Variants in PRDX2 observed in about 807,000 individuals in gnomAD.
PRDX2 encodes peroxiredoxin-2.
A neutral mutation model predicts 19.8 loss-of-function variants in PRDX2; 10 were observed. The observed-to-expected ratio is 0.50, with a 90% confidence interval of 0.31 to 0.86. The LOEUF is 0.86. Ranked by LOEUF, PRDX2 falls within the 40% of genes least tolerant of loss-of-function variation. The pLI, the probability that PRDX2 is intolerant of heterozygous loss-of-function variation, is 0.04. For missense variants in PRDX2, 226 were observed against 260.1 expected (o/e 0.87, Z 0.90); for synonymous variants, 118 against 108.2 (o/e 1.09, Z -0.56).
intron 5 of PRDX2, among the ~76,000 whole-genome samples, 162 bp from the exon 6 acceptor site, chr19:12,797,328 CTT>C (rs112459805): frequency 4.2e-5 from 6 of 142,546 alleles, no homozygotes; most frequent in Admixed American, 1.4e-4. Context: ...AGTATTTTTT[CTT>C]TTTTTTTTTT....
intron 5 of PRDX2, among the ~76,000 whole-genome samples, chr19:12,798,288 G>A (rs904281576): frequency 4.6e-5 from 7 of 151,374 alleles, no homozygotes; most frequent in African/African-American, 9.7e-5. Context: ...CTCTTGATCC[G>A]CCCGCCTCAG....
At chr19:12,800,772 A>G in intron 3 of PRDX2, 144 bp downstream of exon 3, 2 of 1,542,998 alleles carry the variant, frequency 1.3e-6, no homozygotes, top group African/African-American at 1.4e-5. Flanking sequence ...CATCATCCTT[A>G]AAGACTTGGG....
Position 12,798,753 on chromosome 19 carries a change from G to A in PRDX2, c.511+1106C>T, listed in dbSNP as rs184589770. Among the ~76,000 whole-genome samples, 124 of 150,580 alleles carry A rather than the reference G, an allele frequency of 8.2e-4. 1 individual carries two copies. The highest frequency in any genetic ancestry group is 2.9e-3 in the African/African-American group (120 of 40,760). ...TGCCTAGGCTCGACTCAAATTCCTG[G>A]GCCTAAGCAATCTTCTGCCTCACTC... On this transcript the variant is annotated intron_variant, in intron 5 of 5. Transcript: ENST00000301522.
chr19:12,800,391 C>T (rs1018061657), intron 3 of PRDX2, 92 bp from the exon 4 acceptor site: 20 of 1,496,062 alleles, frequency 1.3e-5, no homozygotes, highest in East Asian at 2.3e-5. Context: ...CACTGGAGGC[C>T]GGAGATAAGG....
At chr19:12,800,156 G>A (rs372087639) in intron 4 of PRDX2, 21 bp downstream of exon 4, 51 of 1,611,580 alleles carry the variant, frequency 3.2e-5, no homozygotes, top group Admixed American at 1.3e-4. Flanking sequence ...TCCCTGAGCC[G>A]GGCTGAGGGT....
chr19:12,800,712 A>G, intron 3 of PRDX2: 1 of 1,476,722 alleles, frequency 6.8e-7, no homozygotes, highest in Non-Finnish European at 9.0e-7. Flanking sequence ...TCTGAGTTGC[A>G]TCTGCAACTC....
chr19:12,801,318 C>T (rs1968893750), intron 1 of PRDX2, 48 bp from the exon 2 acceptor site: 2 of 1,556,040 alleles, frequency 1.3e-6, no homozygotes, highest in Non-Finnish European at 1.7e-6. Flanking sequence ...CTTTGTCCTC[C>T]CAACCCAAGG....
At chr19:12,800,747 A>G in intron 3 of PRDX2, 169 bp downstream of exon 3, 1 of 1,518,140 alleles carries the variant, frequency 6.6e-7, no homozygotes. Context: ...CTAGTTGTCA[A>G]ATGCTAATTA....
intron 5 of PRDX2, among the ~76,000 whole-genome samples, chr19:12,799,113 CT>C (rs1223012249): frequency 6.6e-6 from 1 of 151,722 alleles, no homozygotes; most frequent in African/African-American, 2.4e-5. Context: ...GTTGGCCAGG[CT>C]GGTCTCAAAC....
At chr19:12,797,656 C>CTTTCTTTTTTTTTTTTTTT (rs1321932913) in intron 5 of PRDX2, among the ~76,000 whole-genome samples, 14 of 113,058 alleles carry the variant, frequency 1.2e-4, no homozygotes, top group South Asian at 2.7e-4. Flanking sequence ...TTCTTTCTTT[C>CTTTCTTTTTTTTTTTTTTT]TTTTTTTTTT....
At chr19:12,801,450 C>A (rs1441320372) in intron 1 of PRDX2, among the ~76,000 whole-genome samples, 180 bp from the exon 2 acceptor site, 1 of 152,236 alleles carries the variant, frequency 6.6e-6, no homozygotes, top group Non-Finnish European at 1.5e-5. Flanking sequence ...CTCTCCTGAC[C>A]AGAGCACGAG....
At chr19:12,801,424 G>A (rs1968896070) in intron 1 of PRDX2, among the ~76,000 whole-genome samples, 154 bp from the exon 2 acceptor site, 1 of 152,246 alleles carries the variant, frequency 6.6e-6, no homozygotes, top group African/African-American at 2.4e-5. Flanking sequence ...GAGGCCCGGA[G>A]GCTGCCGGAG....
rs750158231 is a variant in PRDX2 at position 12,797,557 on chromosome 19, C to T, written c.512-391G>A. On this transcript the variant is annotated intron_variant, in intron 5 of 5. Coordinates refer to ENST00000301522, the MANE Select transcript of PRDX2 (RefSeq NM_005809.6). ...AACTCCTGACCTCAAGTCATCTGCC[C>T]GTCTTGGCCTCCCAAAGTGCTGGGA... 7.5e-4 allele frequency among the ~76,000 whole-genome samples: 114 copies of T among 152,078 alleles called. 1 individual carries two copies. The highest frequency in any genetic ancestry group is 2.6e-3 in the African/African-American group (106 of 41,500).
chr19:12,800,037 A>G (rs1417439408), intron 4 of PRDX2, 48 bp from the exon 5 acceptor site: 2 of 1,608,140 alleles, frequency 1.2e-6, no homozygotes, highest in Admixed American at 1.7e-5. Context: ...TCCCACTGCC[A>G]GAGACAAGGA....
In PRDX2 at chr19:12,801,744, G is replaced by T. The variant is rs1233625113; in HGVS notation, c.-14C>A. ...GTGCACTCCGGGTGTTCATACCTGCGTGGGCAAAGGCTAGACGCACGGACG... is the reference window on the plus strand; with the variant it reads ...GTGCACTCCGGGTGTTCATACCTGCTTGGGCAAAGGCTAGACGCACGGACG... On this transcript the variant is annotated 5_prime_UTR_variant, in exon 1 of 6. Coordinates refer to ENST00000301522, the MANE Select transcript of PRDX2 (RefSeq NM_005809.6). The T allele has an allele frequency of 2.9e-5, 9 of 312,754 alleles. No homozygotes were observed. In the Admixed American group the frequency reaches 4.1e-4, roughly 14 times the overall value. The allele number at this position is 312,754 out of a possible 1,614,324, so 19.4% of individuals were successfully genotyped here. A position where few individuals can be genotyped will look rare whatever the true frequency, so the allele number is the denominator to read the frequency against.
Position 12,796,959 on chromosome 19 carries a change from G to A in PRDX2, c.*122C>T, listed in dbSNP as rs1015814153. On this transcript the variant is annotated 3_prime_UTR_variant, in exon 6 of 6. Coordinates refer to ENST00000301522, the MANE Select transcript of PRDX2 (RefSeq NM_005809.6). ...CTAGCCCTCCAGGGTCCCATACTGT[G>A]GAGTTTGGAGGGGCAGGTCTGGCCT... 6 of 924,482 alleles carry A rather than the reference G, an allele frequency of 6.5e-6. No homozygotes were observed. The Admixed American group carries it at 1.3e-4, about 20-fold the overall frequency. 57.3% of individuals were successfully genotyped at this position (924,482 alleles called of 1,614,324 possible). A position where few individuals can be genotyped will look rare whatever the true frequency, so the allele number is the denominator to read the frequency against.
chr19:12,799,671 CT>C, intron 5 of PRDX2, 187 bp downstream of exon 5: 1 of 714,894 alleles, frequency 1.4e-6, no homozygotes, highest in East Asian at 3.5e-5. Flanking sequence ...CTTTGTCCAC[CT>C]TGGTTGAATG....
intron 3 of PRDX2, 134 bp from the exon 4 acceptor site, chr19:12,800,433 C>A: frequency 8.3e-7 from 1 of 1,207,132 alleles, no homozygotes; most frequent in Non-Finnish European, 1.2e-6. Context: ...GAGCCTCACC[C>A]ACCCCACCCT....
chr19:12,800,920 C>A lies in PRDX2; in HGVS notation c.253G>T (p.Ala85Ser), dbSNP rs777270227. The A allele has an allele frequency of 2.5e-6, 4 of 1,609,528 alleles. No homozygotes were observed. Among genetic ancestry groups the A allele is most frequent in the Non-Finnish European group, 3.4e-6 (4 of 1,178,000 alleles). Reference protein sequence around the residue: ...VSVDSQFTHLAWINTPRKEGG... With the variant: ...VSVDSQFTHLSWINTPRKEGG... ...CTCTTTGGCCCCTGCTCATACCAAG[C>A]CAGGTGGGTGAACTGAGAGTCCACC... The change falls in exon 3 of 6, where the codon GCT becomes TCT. Residue 85 changes from alanine to serine, a missense_variant. Ala to Ser is a moderately conservative substitution (Grantham distance 99, BLOSUM62 1). Coordinates refer to ENST00000301522, the MANE Select transcript of PRDX2 (RefSeq NM_005809.6).
Sources: allele counts gnomAD v4.1 joint callset (sites outside exome capture counted in the v4.1 genomes callset), GRCh38; gene constraint gnomAD v4.1.1; transcripts MANE v1.5; gene names NCBI Gene and HGNC (gene_info 2026-07-23, HGNC 2026-07-21).